The following IGFL4 variants were observed in gnomAD, a reference collection of about 807,000 sequenced individuals.
IGFL4 encodes insulin growth factor-like family member 4.
A neutral mutation model predicts 15.4 loss-of-function variants in IGFL4; 12 were observed. The ratio of observed to expected loss-of-function variants is 0.78; its 90% CI spans 0.50 to 1.26. The LOEUF (loss-of-function observed/expected upper bound fraction) is 1.26, where lower values mean the gene tolerates loss of function less well. Among genes scored for constraint, IGFL4 ranks in the 50% most tolerant of loss-of-function variants. The pLI, the probability that IGFL4 is intolerant of heterozygous loss-of-function variation, is 0.00. For synonymous variants in IGFL4, 54 were observed against 55.9 expected (o/e 0.97, Z 0.16); for missense variants, 126 against 147.8 (o/e 0.85, Z 0.76).
Position 46,040,220 on chromosome 19 carries a change from C to T in IGFL4, c.267G>A (p.Arg89=), listed in dbSNP as rs760552169. The T allele has an allele frequency of 9.9e-6, 16 of 1,614,058 alleles. No homozygotes were observed. The highest frequency in any genetic ancestry group is 2.7e-5 in the African/African-American group (2 of 74,918). The part of the protein sequence containing the change: ...SLGSQNQTVV[R]FKVPGMKPDC... Reference sequence around the variant, plus strand: ...CTGGCTTCATGCCTGGGACCTTGAACCTCACAACTGTCTGGTTCTGAGAGC... The same window carrying T: ...CTGGCTTCATGCCTGGGACCTTGAATCTCACAACTGTCTGGTTCTGAGAGC... Residue 89 remains arginine, a synonymous_variant, in exon 3 of 4, where the codon AGG becomes AGA. Transcript: ENST00000377697. This position sits in a 1 kb window ranked among gnomAD's most constrained non-coding sequence, Gnocchi z 4.1.
chr19:46,064,153 A>C (rs2146525158), intron 1 of IGFL4, among the ~76,000 whole-genome samples: 1 of 75,432 alleles, frequency 1.3e-5, no homozygotes, highest in East Asian at 2.6e-4. Context: ...AGAAAAGCCA[A>C]AATATTTATT....
chr19:46,061,267 A>G (rs7250943), intron 1 of IGFL4, among the ~76,000 whole-genome samples: 80,302 of 152,060 alleles, frequency 0.53, 21,584 homozygotes, highest in Non-Finnish European at 0.55. Flanking sequence ...ACTTTTTTAC[A>G]CACCTTGCAT....
chr19:46,044,262 G>A (rs73042235), upstream of IGFL4, among the ~76,000 whole-genome samples: 3,347 of 152,258 alleles, frequency 0.022, 68 homozygotes, highest in Middle Eastern at 0.037. Context: ...TTGGCAGAGC[G>A]GCCACAGGGG....
intron 1 of IGFL4, among the ~76,000 whole-genome samples, chr19:46,069,018 T>C (rs1969520839): frequency 6.6e-6 from 1 of 152,200 alleles, no homozygotes; most frequent in Admixed American, 6.5e-5. Context: ...GGGGCAGTGC[T>C]GAGTTCTGGA....
chr19:46,045,447 AAAAAAAAAG>A (rs1408408099), upstream of IGFL4, among the ~76,000 whole-genome samples: 14 of 151,590 alleles, frequency 9.2e-5, no homozygotes, highest in Admixed American at 5.9e-4. Context: ...CTGTCTCAAA[AAAAAAAAAG>A]AAAAAGATGG....
chr19:46,074,628 G>T (rs1251557857), intron 1 of IGFL4, among the ~76,000 whole-genome samples: 2 of 152,076 alleles, frequency 1.3e-5, no homozygotes, highest in African/African-American at 4.8e-5. Context: ...ATGAGGGAAA[G>T]ATGTAGGCTG....
At chr19:46,049,632 A>T (rs1969327129) in intron 2 of IGFL4, among the ~76,000 whole-genome samples, 1 of 152,044 alleles carries the variant, frequency 6.6e-6, no homozygotes, top group South Asian at 2.1e-4. Context: ...CGCCAAGGAG[A>T]TTCTGAGCTC....
rs147352942 is a variant in IGFL4 at position 46,064,465 on chromosome 19, G to A, written c.-431-4172C>T. Among the ~76,000 whole-genome samples the A allele has an allele frequency of 6.0e-4, 91 of 150,810 alleles. 2 individuals carry two copies. The East Asian group carries it at 0.017, about 28-fold the overall frequency. On this transcript the variant is annotated intron_variant, in intron 1 of 5. Coordinates refer to the IGFL4 transcript ENST00000601672. ...CTCAATACACTTTCCCATTAACCAC[G>A]CCCCCTACCCATACCCTTTCCAGCC...
In IGFL4 at chr19:46,040,117, C is replaced by T. The variant is rs770835006; in HGVS notation, c.330+40G>A. The T allele has an allele frequency of 1.2e-5, 20 of 1,609,186 alleles. No individual in the cohort carries two copies. The highest frequency in any genetic ancestry group is 1.7e-5 in the Non-Finnish European group (20 of 1,177,240). ...ATGGACAACCAAGCTCCATTCCCTA[C>T]TCCCCCCTCCCACAGCCTGGACTGG... On this transcript the variant is annotated intron_variant, in intron 3 of 3. Transcript: ENST00000377697. This position sits in a 1 kb window ranked among gnomAD's most constrained non-coding sequence, Gnocchi z 4.1.
In IGFL4 at chr19:46,055,315, C is replaced by T. The variant is rs373428664; in HGVS notation, c.-323+4870G>A. Reference sequence around the variant, plus strand: ...CTGTGTTGCCCAGGCTGGCCTCTAACTTCAGGAGTTCAACAGTTTCTCCTG... The same window carrying T: ...CTGTGTTGCCCAGGCTGGCCTCTAATTTCAGGAGTTCAACAGTTTCTCCTG... On this transcript the variant is annotated intron_variant, in intron 2 of 5. Transcript: ENST00000601672. Among the ~76,000 whole-genome samples the T allele has an allele frequency of 3.0e-4, 46 of 151,798 alleles. 1 individual carries two copies. Among genetic ancestry groups the T allele is most frequent in the African/African-American group, 9.2e-4 (38 of 41,384 alleles).
At chr19:46,072,366 C>T (rs763745743) in intron 1 of IGFL4, among the ~76,000 whole-genome samples, 13 of 152,242 alleles carry the variant, frequency 8.5e-5, no homozygotes, top group Middle Eastern at 3.4e-3. Flanking sequence ...GAAGTGCGAG[C>T]CCCCCAAATC....
intron 2 of IGFL4, chr19:46,059,408 C>G (rs1352375677): frequency 6.6e-6 from 1 of 152,088 alleles, no homozygotes; most frequent in African/African-American, 2.4e-5. Flanking sequence ...CTGTTAGGGT[C>G]TCTTGTATTC....
At chr19:46,057,273 G>C (rs962476022) in intron 2 of IGFL4, among the ~76,000 whole-genome samples, 2 of 152,068 alleles carry the variant, frequency 1.3e-5, no homozygotes, top group Admixed American at 1.3e-4. Flanking sequence ...GGAGTCTAGA[G>C]AGGGCAAGAG....
At chr19:46,044,248 A>C (rs570571587), upstream of IGFL4, among the ~76,000 whole-genome samples, 5 of 152,284 alleles carry the variant, frequency 3.3e-5, no homozygotes, top group South Asian at 1.0e-3. Flanking sequence ...AGCTGTGTGG[A>C]GTCTTGGCAG....
Position 46,039,900 on chromosome 19 carries a change from G to A in IGFL4, c.367C>T (p.Leu123Phe). The change falls in exon 4 of 4, where the codon CTC becomes TTC. Residue 123 changes from leucine (L) to phenylalanine (F), a missense_variant. Leu to Phe is a conservative substitution (Grantham distance 22). Transcript: ENST00000377697. ...HPKSPVSRSD[L>F]I ...TGCTACCCCAGAACAGTCTAGATGA[G>A]GTCAGATCTTGACACAGGGCTTTTT... 1.9e-6 allele frequency: 3 copies of A among 1,612,334 alleles called. No individual in the cohort carries two copies. Among genetic ancestry groups the A allele is most frequent in the Non-Finnish European group, 2.5e-6 (3 of 1,178,370 alleles).
At chr19:46,068,370 T>G (rs1438948888) in intron 1 of IGFL4, among the ~76,000 whole-genome samples, 1 of 152,246 alleles carries the variant, frequency 6.6e-6, no homozygotes, top group Non-Finnish European at 1.5e-5. Context: ...GTGTCGAATC[T>G]CATCATGATG....
intron 1 of IGFL4, among the ~76,000 whole-genome samples, chr19:46,070,619 A>G (rs933189269): frequency 3.9e-5 from 6 of 152,126 alleles, no homozygotes; most frequent in African/African-American, 1.4e-4. Context: ...CTCTTAGGTG[A>G]AAAGTGATGA....
upstream of IGFL4, among the ~76,000 whole-genome samples, chr19:46,043,721 G>A (rs963963880): frequency 6.6e-6 from 1 of 151,876 alleles, no homozygotes; most frequent in African/African-American, 2.4e-5. Context: ...AATGGTGTGG[G>A]ACAATGGGCA....
At chr19:46,064,926 T>A (rs1455733440) in intron 1 of IGFL4, among the ~76,000 whole-genome samples, 2 of 152,202 alleles carry the variant, frequency 1.3e-5, no homozygotes, top group Non-Finnish European at 2.9e-5. Context: ...GAGGGTTCCC[T>A]TTTCTCCACA....
Sources: gnomAD v4.1 joint callset for allele counts (sites outside exome capture counted in the v4.1 genomes callset) on GRCh38, gnomAD v4.1.1 for gene constraint, Gnocchi (gnomAD v3.1) non-coding constraint, MANE v1.5 for transcripts, NCBI Gene and HGNC (gene_info 2026-07-23, HGNC 2026-07-21) for gene names.